MAP4: variants seen among roughly 807,000 people sequenced by gnomAD.
MAP4 encodes the protein microtubule associated protein 4, also known as microtubule-associated protein 4.
In MAP4, 76 loss-of-function variants were observed where a neutral mutation model predicts 170.2. The observed-to-expected ratio is 0.45, with a 90% confidence interval of 0.37 to 0.54. The LOEUF (loss-of-function observed/expected upper bound fraction) is 0.54, where lower values mean the gene tolerates loss of function less well. Ranked by LOEUF, MAP4 falls within the 20% of genes least tolerant of loss-of-function variation. MAP4 has a pLI of 0.00. For missense variants in MAP4, 2,506 were observed against 2,748.0 expected (o/e 0.91, Z 1.97); for synonymous variants, 909 against 994.5 (o/e 0.91, Z 1.62).
intron 2 of MAP4, among the ~76,000 whole-genome samples, chr3:47,979,128 G>A (rs1394612591): frequency 1.3e-5 from 2 of 151,810 alleles, no homozygotes; most frequent in East Asian, 3.9e-4. Context: ...TTCATATTGA[G>A]GCCTACGGTA....
chr3:47,913,830 TCA>T (rs2100037196), intron 8 of MAP4, among the ~76,000 whole-genome samples: 1 of 152,144 alleles, frequency 6.6e-6, no homozygotes, highest in Non-Finnish European at 1.5e-5. Flanking sequence ...CCAATCATAG[TCA>T]CAGAAAAGTA....
chr3:47,892,714 G>A, intron 10 of MAP4: 4 of 1,356,392 alleles, frequency 2.9e-6, no homozygotes, highest in Non-Finnish European at 2.8e-6. Flanking sequence ...AGAAAGGAAG[G>A]AACCTGCTGC....
At chr3:48,046,004 T>TA (rs1553739403) in intron 1 of MAP4, among the ~76,000 whole-genome samples, 11 of 150,828 alleles carry the variant, frequency 7.3e-5, no homozygotes, top group South Asian at 6.3e-4. Flanking sequence ...TTTTTTTTTT[T>TA]ACCAAACCAC....
intron 6 of MAP4, among the ~76,000 whole-genome samples, chr3:47,918,429 T>C (rs1015256099): frequency 1.3e-5 from 2 of 151,712 alleles, no homozygotes; most frequent in Non-Finnish European, 2.9e-5. Context: ...CGTAAATCTG[T>C]ACTGAATTAA....
chr3:48,070,742 T>C (rs1407004162), intron 1 of MAP4, among the ~76,000 whole-genome samples: 1 of 151,624 alleles, frequency 6.6e-6, no homozygotes, highest in African/African-American at 2.4e-5. Context: ...GGCTCACACC[T>C]GTAATCCCAG....
chr3:48,048,679 G>A (rs1231604170), intron 1 of MAP4, among the ~76,000 whole-genome samples: 1 of 151,828 alleles, frequency 6.6e-6, no homozygotes, highest in Non-Finnish European at 1.5e-5. Context: ...GCCACACTGG[G>A]CTAATTTTTT....
intron 2 of MAP4, among the ~76,000 whole-genome samples, chr3:47,988,557 A>G (rs1449506390): frequency 6.6e-6 from 1 of 152,210 alleles, no homozygotes; most frequent in East Asian, 1.9e-4. Context: ...AGTTTCAGAG[A>G]GTAGATGTGA....
intron 3 of MAP4, among the ~76,000 whole-genome samples, chr3:47,954,542 T>C (rs1199611480): frequency 2.0e-5 from 3 of 152,186 alleles, no homozygotes; most frequent in African/African-American, 7.2e-5. Context: ...CCAAGTCAAT[T>C]AACAAGCCCA....
rs756452381 is a variant in MAP4, at chr3:47,891,583, T to C, written c.5434+11367A>G. ...CTGGGGGAACTGAGAGGTGAGAACA[T>C]TCAGACAGGGCCCTGCGCACTGCCT... is the stretch of plus-strand genomic sequence containing the variant. On this transcript the variant is annotated intron_variant, in intron 10 of 20. Transcript: ENST00000683076. 3.3e-5 allele frequency: 51 copies of C among 1,534,594 alleles called. 1 individual carries two copies. In the Admixed American group the frequency reaches 6.3e-4, roughly 19 times the overall value.
At chr3:47,880,401 C>T (rs934033846) in intron 10 of MAP4, among the ~76,000 whole-genome samples, 2 of 151,228 alleles carry the variant, frequency 1.3e-5, no homozygotes, top group Non-Finnish European at 2.9e-5. Context: ...AGCCACCACA[C>T]CTGGCTGACA....
chr3:47,889,098 A>T (rs1224345762), intron 10 of MAP4, among the ~76,000 whole-genome samples: 1 of 152,244 alleles, frequency 6.6e-6, no homozygotes, highest in Non-Finnish European at 1.5e-5. Context: ...CAGAGTTACA[A>T]GGGAAGCAAA....
At chr3:47,955,361 C>T (rs2100067065) in intron 3 of MAP4, among the ~76,000 whole-genome samples, 1 of 151,640 alleles carries the variant, frequency 6.6e-6, no homozygotes, top group South Asian at 2.1e-4. Context: ...AGGGCTATGC[C>T]ATTCTCCTAC....
intron 3 of MAP4, chr3:47,974,499 C>T: frequency 3.0e-6 from 3 of 984,088 alleles, no homozygotes; most frequent in Non-Finnish European, 3.6e-6. Context: ...CTGAAATAAT[C>T]TGTACCTTGG....
intron 6 of MAP4, among the ~76,000 whole-genome samples, chr3:47,918,165 G>C (rs1390764466): frequency 1.3e-5 from 2 of 152,148 alleles, no homozygotes; most frequent in African/African-American, 4.8e-5. Flanking sequence ...TGTATTTTTA[G>C]TAGAGACGGG....
chr3:47,995,042 T>C (rs1405478628), intron 2 of MAP4, among the ~76,000 whole-genome samples: 3 of 152,056 alleles, frequency 2.0e-5, no homozygotes, highest in Non-Finnish European at 4.4e-5. Context: ...GGCTAGGGTG[T>C]AGGGATTGGG....
intron 3 of MAP4, among the ~76,000 whole-genome samples, chr3:47,955,974 GCC>G (rs2100067576): frequency 1.3e-5 from 2 of 152,090 alleles, no homozygotes; most frequent in Admixed American, 1.3e-4. Context: ...GAAAATCTAT[GCC>G]CTCTTTTGCA....
At chr3:48,052,213 G>C (rs563678437) in intron 1 of MAP4, among the ~76,000 whole-genome samples, 148 of 152,130 alleles carry the variant, frequency 9.7e-4, no homozygotes, top group Admixed American at 2.1e-3. Context: ...AAGGAGAACA[G>C]GGTGGGTTTT....
chr3:48,088,579 G>A (rs1045268826), intron 1 of MAP4, among the ~76,000 whole-genome samples: 5 of 150,588 alleles, frequency 3.3e-5, no homozygotes, highest in African/African-American at 1.2e-4. Context: ...AGACTCCGAA[G>A]GTCAAAGCCG....
In MAP4 at chr3:48,002,954, A is replaced by AAAATAAATAAATAAAT. The variant is rs55814118; in HGVS notation, c.-19-4091_-19-4076dup. Among the ~76,000 whole-genome samples the AAAATAAATAAATAAAT allele has an allele frequency of 4.8e-3, 695 of 144,744 alleles. 2 individuals carry two copies. Among genetic ancestry groups the AAAATAAATAAATAAAT allele is most frequent in the East Asian group, 0.014 (68 of 4,992 alleles). 95.0% of individuals were successfully genotyped at this position (144,744 alleles called of 152,430 possible). A position where few individuals can be genotyped will look rare whatever the true frequency, so the allele number is the denominator to read the frequency against. On this transcript the variant is annotated intron_variant, in intron 1 of 20. Coordinates refer to ENST00000683076, the MANE Select transcript of MAP4 (RefSeq NM_001385682.1). ...ACTCTGGCTGTTAACATTAAGGCCA[A>AAAATAAATAAATAAAT]AAATAAATAAATAAATAAATAAATA...
Sources: gnomAD v4.1 joint callset for allele counts (sites outside exome capture counted in the v4.1 genomes callset) on GRCh38, gnomAD v4.1.1 for gene constraint, MANE v1.5 for transcripts, NCBI Gene and HGNC (gene_info 2026-07-23, HGNC 2026-07-21) for gene names.